TNPO1: variants seen among roughly 807,000 people sequenced by gnomAD.
TNPO1 encodes the protein transportin-1.
TNPO1 carries 8 observed loss-of-function variants against 119.5 expected under a neutral mutation model. The observed-to-expected ratio is 0.07, with a 90% CI of 0.04 to 0.12. TNPO1 has a LOEUF of 0.12. Among genes scored for constraint, TNPO1 ranks in the 10% least tolerant of loss-of-function variants. TNPO1 has a pLI of 1.00. For synonymous variants in TNPO1, 362 were observed against 363.0 expected, an observed-to-expected ratio of 1.00 and a Z score of 0.03; for missense variants, 576 against 1,089.8, an observed-to-expected ratio of 0.53 and a Z score of 6.64.
intron 21 of TNPO1, 143 bp downstream of exon 21, chr5:72,900,224 G>T: frequency 3.1e-6 from 2 of 651,146 alleles, no homozygotes; most frequent in East Asian, 2.8e-5. Flanking sequence ...TGTCCTATCA[G>T]GTTTGTGAGG....
chr5:72,880,827 A>AAC (rs1222173496), intron 9 of TNPO1, among the ~76,000 whole-genome samples: 1 of 151,812 alleles, frequency 6.6e-6, no homozygotes, highest in Non-Finnish European at 1.5e-5. Flanking sequence ...AAAAAAAAAA[A>AAC]AAAAAAACCT....
chr5:72,861,278 T>A (rs562770431), intron 4 of TNPO1, among the ~76,000 whole-genome samples: 2 of 152,218 alleles, frequency 1.3e-5, no homozygotes, highest in Non-Finnish European at 2.9e-5. Flanking sequence ...TGCATTCTTA[T>A]ACTTGGTAAA....
intron 2 of TNPO1, among the ~76,000 whole-genome samples, chr5:72,848,875 G>C (rs1217905607): frequency 6.6e-6 from 1 of 151,308 alleles, no homozygotes; most frequent in African/African-American, 2.4e-5. Context: ...GGAGCGGCCC[G>C]GGCCCACACA....
intron 1 of TNPO1, among the ~76,000 whole-genome samples, chr5:72,819,050 C>T (rs530924316): frequency 6.6e-5 from 10 of 152,262 alleles, no homozygotes; most frequent in African/African-American, 1.7e-4. Flanking sequence ...AAAAGAATAC[C>T]TGAGACTGGG....
intron 1 of TNPO1, among the ~76,000 whole-genome samples, chr5:72,824,314 T>C (rs990193726): frequency 1.3e-5 from 2 of 152,222 alleles, no homozygotes; most frequent in African/African-American, 2.4e-5. Flanking sequence ...ATTACCCCAA[T>C]TTTTTGTTTC....
intron 8 of TNPO1, among the ~76,000 whole-genome samples, chr5:72,876,228 A>AT (rs1286648565): frequency 6.6e-6 from 1 of 152,194 alleles, no homozygotes; most frequent in African/African-American, 2.4e-5. Context: ...TTCTTCCACA[A>AT]TACTCAGTAG....
chr5:72,864,917 T>C (rs1746767931), intron 5 of TNPO1, among the ~76,000 whole-genome samples: 1 of 151,836 alleles, frequency 6.6e-6, no homozygotes, highest in African/African-American at 2.4e-5. Context: ...CCTAAGTAAC[T>C]TTTTAATGGT....
chr5:72,875,470 A>T, intron 7 of TNPO1, 145 bp from the exon 8 acceptor site: 1 of 681,640 alleles, frequency 1.5e-6, no homozygotes, highest in Non-Finnish European at 2.3e-6. Context: ...TCCACATTTA[A>T]TTCTTGTAAT....
chr5:72,885,720 T>C lies in TNPO1; in HGVS notation c.1151-1350T>C, dbSNP rs563603094. ...AGGTGTTAATTTCTGGCCAATGTAATGGTTTTGTTTTGGTTTGGTTTGGTT... is the reference window on the plus strand; with the variant it reads ...AGGTGTTAATTTCTGGCCAATGTAACGGTTTTGTTTTGGTTTGGTTTGGTT... On this transcript the variant is annotated intron_variant, in intron 11 of 24. Transcript: ENST00000337273. Among the ~76,000 whole-genome samples the C allele has an allele frequency of 4.7e-5, 7 of 150,094 alleles. No homozygotes were observed. In the South Asian group the frequency reaches 1.5e-3, roughly 32 times the overall value.
chr5:72,875,420 CTCT>C (rs890722273), intron 7 of TNPO1, among the ~76,000 whole-genome samples, 192 bp from the exon 8 acceptor site: 3 of 152,200 alleles, frequency 2.0e-5, no homozygotes, highest in African/African-American at 7.2e-5. Flanking sequence ...AAAAGAATAG[CTCT>C]TCATCTTTTA....
chr5:72,906,196 T>C (rs1399569639), intron 24 of TNPO1, among the ~76,000 whole-genome samples: 1 of 149,956 alleles, frequency 6.7e-6, no homozygotes, highest in Non-Finnish European at 1.5e-5. Flanking sequence ...GAAAACTCAG[T>C]TGGGTTTTGG....
intron 15 of TNPO1, among the ~76,000 whole-genome samples, chr5:72,892,874 C>T (rs1749163533): frequency 6.6e-6 from 1 of 151,714 alleles, no homozygotes; most frequent in South Asian, 2.1e-4. Context: ...AATATGAACA[C>T]ATAATACTCA....
chr5:72,823,807 C>G (rs546435137), intron 1 of TNPO1, among the ~76,000 whole-genome samples: 11 of 152,150 alleles, frequency 7.2e-5, no homozygotes, highest in Non-Finnish European at 1.6e-4. Context: ...ACCACACAAC[C>G]ACACATGGCC....
In TNPO1 at chr5:72,904,128, A is replaced by C. The variant is rs116258783; in HGVS notation, c.2589+345A>C. On this transcript the variant is annotated intron_variant, in intron 23 of 24. Coordinates refer to ENST00000337273, the MANE Select transcript of TNPO1 (RefSeq NM_002270.4). ...AAGAGTAAATCTAAATGGCTGCCAC[A>C]GGAGTAAGCCCATGTCATTATTTGC... is the stretch of plus-strand genomic sequence containing the variant. Among the ~76,000 whole-genome samples, 978 of 152,308 alleles carry C rather than the reference A, an allele frequency of 6.4e-3. 11 individuals are homozygous for C. Among genetic ancestry groups the C allele is most frequent in the African/African-American group, 0.023 (938 of 41,572 alleles).
In TNPO1 at chr5:72,908,787, C is replaced by A; in HGVS notation, c.*114C>A. 3.0e-6 allele frequency: 1 copy of A among 328,676 alleles called. No homozygotes were observed. The highest frequency in any genetic ancestry group is 6.2e-6 in the Non-Finnish European group (1 of 160,120). 20.4% of individuals were successfully genotyped at this position (328,676 alleles called of 1,614,324 possible). On this transcript the variant is annotated 3_prime_UTR_variant, in exon 25 of 25. Coordinates refer to ENST00000337273, the MANE Select transcript of TNPO1 (RefSeq NM_002270.4). ...CCCTTTACAGGGGGGAAGGGTAAACCAGTAGGGAATACAGTACAATCCCAA... is the reference window on the plus strand; with the variant it reads ...CCCTTTACAGGGGGGAAGGGTAAACAAGTAGGGAATACAGTACAATCCCAA...
At chr5:72,883,583 G>C (rs1305604680) in intron 11 of TNPO1, among the ~76,000 whole-genome samples, 1 of 152,186 alleles carries the variant, frequency 6.6e-6, no homozygotes, top group Non-Finnish European at 1.5e-5. Context: ...TCATTTTGTA[G>C]CATTCACTTG....
intron 24 of TNPO1, among the ~76,000 whole-genome samples, chr5:72,907,402 T>C (rs1317419743): frequency 6.6e-6 from 1 of 152,214 alleles, no homozygotes; most frequent in Non-Finnish European, 1.5e-5. Context: ...TCAGTATCTT[T>C]TATTCCTGCC....
In TNPO1 at chr5:72,910,777, G is replaced by T. The variant is rs1311700860; in HGVS notation, c.*2104G>T. On this transcript the variant is annotated 3_prime_UTR_variant, in exon 25 of 25. Coordinates refer to ENST00000337273, the MANE Select transcript of TNPO1 (RefSeq NM_002270.4). Reference sequence around the variant, plus strand: ...CAAATGCATGGTAGCATGTAGAAAGGTTTTTGTTACTATGTGTGTGTGTGT... The same window carrying T: ...CAAATGCATGGTAGCATGTAGAAAGTTTTTTGTTACTATGTGTGTGTGTGT... The T allele has an allele frequency of 6.6e-6, 1 of 151,982 alleles. No individual in the cohort carries two copies. The highest frequency in any genetic ancestry group is 2.4e-5 in the African/African-American group (1 of 41,404). 9.4% of individuals were successfully genotyped at this position (151,982 alleles called of 1,614,324 possible).
At chr5:72,886,959 C>A in intron 11 of TNPO1, 111 bp from the exon 12 acceptor site, 22 of 768,074 alleles carry the variant, frequency 2.9e-5, no homozygotes, top group East Asian at 5.0e-5. Context: ...CAATTGAATT[C>A]TTATTTTAAA....
Sources: allele counts gnomAD v4.1 joint callset (sites outside exome capture counted in the v4.1 genomes callset), GRCh38; gene constraint gnomAD v4.1.1; transcripts MANE v1.5; gene names NCBI Gene and HGNC (gene_info 2026-07-23, HGNC 2026-07-21).